Variants in CDH13 observed in about 807,000 individuals in gnomAD.
CDH13 encodes cadherin 13.
A neutral mutation model predicts 63.8 loss-of-function variants in CDH13; 24 were observed. That is an observed-to-expected ratio of 0.38 (90% CI 0.27 to 0.53). CDH13 has a LOEUF of 0.53. CDH13 is among the 20% of genes least tolerant of loss of function. The pLI, the probability that CDH13 is intolerant of heterozygous loss-of-function variation, is 0.85. For synonymous variants in CDH13, 503 were observed against 355.3 expected (o/e 1.42, Z -4.67); for missense variants, 1,049 against 903.1 (o/e 1.16, Z -2.07).
At chr16:83,360,467 C>G (rs958419443) in intron 6 of CDH13, among the ~76,000 whole-genome samples, 1 of 151,434 alleles carries the variant, frequency 6.6e-6, no homozygotes, top group Non-Finnish European at 1.5e-5. Context: ...TCTATAATCT[C>G]AACCTTTTTT....
At chr16:83,478,271 C>G (rs1043112682) in intron 6 of CDH13, among the ~76,000 whole-genome samples, 1 of 152,132 alleles carries the variant, frequency 6.6e-6, no homozygotes, top group Admixed American at 6.5e-5. Flanking sequence ...GGCACACGCT[C>G]CAGTTTGCCA....
chr16:83,168,351 G>A (rs1257575514), intron 4 of CDH13, among the ~76,000 whole-genome samples: 4 of 151,760 alleles, frequency 2.6e-5, no homozygotes, highest in Non-Finnish European at 5.9e-5. Flanking sequence ...ACTCAAACAC[G>A]CATACATGTA....
chr16:83,271,422 TAAAAAAAAAA>T lies in CDH13; in HGVS notation c.636+53946_636+53955del, dbSNP rs56382330. Among the ~76,000 whole-genome samples, 38 of 26,034 alleles carry T rather than the reference TAAAAAAAAAA, an allele frequency of 1.5e-3. 2 individuals are homozygous for T. The highest frequency in any genetic ancestry group is 6.1e-3 in the Admixed American group (8 of 1,308). 17.1% of individuals were successfully genotyped at this position (26,034 alleles called of 152,430 possible). On this transcript the variant is annotated intron_variant, in intron 5 of 13. Transcript: ENST00000567109. Reference sequence around the variant, plus strand: ...CTACCGCACATTGAGGCAGAGTTCATAAAAAAAAAAAAAAAAAAAAAAAAAAAAAATTCAT... The same window carrying T: ...CTACCGCACATTGAGGCAGAGTTCATAAAAAAAAAAAAAAAAAAAATTCAT...
At chr16:83,546,115 G>A (rs1042099462) in intron 7 of CDH13, among the ~76,000 whole-genome samples, 2 of 152,170 alleles carry the variant, frequency 1.3e-5, no homozygotes, top group Admixed American at 1.3e-4. Flanking sequence ...ATTTGATGAG[G>A]CAATCAGAAA....
intron 3 of CDH13, among the ~76,000 whole-genome samples, chr16:83,119,554 A>G (rs890093423): frequency 1.3e-5 from 2 of 152,164 alleles, no homozygotes; most frequent in Non-Finnish European, 2.9e-5. Context: ...TCTTTCCCAT[A>G]CACTGCTCTT....
At chr16:82,774,725 G>C (rs2035417466) in intron 1 of CDH13, among the ~76,000 whole-genome samples, 1 of 152,136 alleles carries the variant, frequency 6.6e-6, no homozygotes, top group Non-Finnish European at 1.5e-5. Flanking sequence ...ACCAGGATAG[G>C]TGAGGCTCTG....
At chr16:83,007,308 C>G (rs1346658351) in intron 2 of CDH13, among the ~76,000 whole-genome samples, 1 of 152,214 alleles carries the variant, frequency 6.6e-6, no homozygotes, top group East Asian at 1.9e-4. Context: ...TCTATGAATG[C>G]TGTCTCATGT....
intron 6 of CDH13, among the ~76,000 whole-genome samples, chr16:83,366,219 T>C (rs2091254774): frequency 6.6e-6 from 1 of 152,162 alleles, no homozygotes; most frequent in Admixed American, 6.5e-5. Context: ...TTCAAATGAA[T>C]TACCAACTTA....
At chr16:82,940,178 C>T (rs553078595) in intron 2 of CDH13, among the ~76,000 whole-genome samples, 1 of 152,278 alleles carries the variant, frequency 6.6e-6, no homozygotes, top group South Asian at 2.1e-4. Flanking sequence ...GTTGGGGACG[C>T]AGCCAAACCA....
intron 6 of CDH13, among the ~76,000 whole-genome samples, chr16:83,476,021 T>C (rs2073594753): frequency 6.6e-6 from 1 of 152,204 alleles, no homozygotes. Context: ...TATCAATTAT[T>C]TACCTGCTTC....
At chr16:83,209,036 C>G (rs1179782966) in intron 4 of CDH13, among the ~76,000 whole-genome samples, 2 of 152,110 alleles carry the variant, frequency 1.3e-5, no homozygotes, top group Non-Finnish European at 2.9e-5. Flanking sequence ...CCCCTATCAA[C>G]TCCAGTGGGG....
chr16:83,524,927 G>T (rs149351753), intron 7 of CDH13, among the ~76,000 whole-genome samples: 11 of 152,268 alleles, frequency 7.2e-5, no homozygotes, highest in African/African-American at 2.6e-4. Context: ...TCCTGAATGC[G>T]CATGAGATGG....
intron 11 of CDH13, among the ~76,000 whole-genome samples, chr16:83,763,011 C>T (rs1188167850): frequency 6.6e-6 from 1 of 152,186 alleles, no homozygotes; most frequent in Non-Finnish European, 1.5e-5. Context: ...CAGCCCAAAC[C>T]ATCTCTACGG....
At chr16:82,953,791 A>G (rs1388929034) in intron 2 of CDH13, 1 of 152,200 alleles carries the variant, frequency 6.6e-6, no homozygotes, top group Non-Finnish European at 1.5e-5. Context: ...AGGCTTCCAG[A>G]TGGGCCGAGA....
intron 6 of CDH13, among the ~76,000 whole-genome samples, chr16:83,352,910 A>C (rs974749412): frequency 6.6e-6 from 1 of 152,212 alleles, no homozygotes; most frequent in East Asian, 1.9e-4. Context: ...ATAAATAAAT[A>C]AAGTATAAAA....
intron 8 of CDH13, among the ~76,000 whole-genome samples, chr16:83,660,885 C>T (rs1475962301): frequency 6.6e-6 from 1 of 151,990 alleles, no homozygotes; most frequent in Admixed American, 6.6e-5. Context: ...TGAAGGAGAG[C>T]TACTAACGTC....
intron 10 of CDH13, among the ~76,000 whole-genome samples, chr16:83,745,256 G>A (rs561964956): frequency 6.6e-6 from 1 of 152,300 alleles, no homozygotes; most frequent in East Asian, 1.9e-4. Flanking sequence ...ATCAGCAGGA[G>A]CCTCTCCTGG....
At chr16:83,776,007 T>C (rs796324962) in intron 11 of CDH13, among the ~76,000 whole-genome samples, 17 of 152,278 alleles carry the variant, frequency 1.1e-4, no homozygotes, top group African/African-American at 3.8e-4. Context: ...GGATGTGATT[T>C]TTCTCTATCC....
intron 1 of CDH13, among the ~76,000 whole-genome samples, chr16:82,814,183 C>A (rs1012694042): frequency 1.3e-5 from 2 of 152,078 alleles, no homozygotes; most frequent in Non-Finnish European, 2.9e-5. Context: ...GAACCCAGTT[C>A]CTGGCAGACA....
Sources: gnomAD v4.1 joint callset for allele counts (sites outside exome capture counted in the v4.1 genomes callset) on GRCh38, gnomAD v4.1.1 for gene constraint, MANE v1.5 for transcripts, NCBI Gene and HGNC (gene_info 2026-07-23, HGNC 2026-07-21) for gene names.